The following ZNF180 variants were observed in gnomAD, a reference collection of about 807,000 sequenced individuals.
ZNF180 encodes the protein zinc finger protein 180 (HHZ168).
Under a neutral mutation model 11.8 loss-of-function variants are expected in ZNF180, and 11 were observed. The observed-to-expected ratio is 0.93, with a 90% confidence interval of 0.59 to 1.55. The LOEUF (loss-of-function observed/expected upper bound fraction) is 1.55, where lower values mean the gene tolerates loss of function less well. Ranked by LOEUF, ZNF180 falls within the 40% of genes most tolerant of loss-of-function variation. ZNF180 has a pLI of 0.00. For synonymous variants in ZNF180, 287 were observed against 257.7 expected (o/e 1.11, Z -1.09); for missense variants, 773 against 781.7 (o/e 0.99, Z 0.13).
rs1244263438 is a variant in ZNF180, at chr19:44,475,728, G to C, written c.*674C>G. ...AAAAGGAAGGCCCAACATAAACTGA[G>C]AAATTGAATAGATACATCCATAATC... is the stretch of plus-strand genomic sequence containing the variant. On this transcript the variant is annotated 3_prime_UTR_variant, in exon 5 of 5. Coordinates refer to ENST00000592529, the MANE Select transcript of ZNF180 (RefSeq NM_001278509.3). 6.6e-6 allele frequency: 1 copy of C among 152,146 alleles called. No individual in the cohort carries two copies. Among genetic ancestry groups the C allele is most frequent in the African/African-American group, 2.4e-5 (1 of 41,420 alleles). 9.4% of individuals were successfully genotyped at this position (152,146 alleles called of 1,614,324 possible).
chr19:44,477,628 C>T lies in ZNF180; in HGVS notation c.772G>A (p.Gly258Ser), dbSNP rs1259545069. The change falls in exon 5 of 5, where the codon GGT (glycine) becomes AGT (serine). Residue 258 changes from glycine to serine, a missense_variant. By Grantham distance (56) the Gly-to-Ser change is moderately conservative. Transcript: ENST00000592529. ...TTTTCATGTATATGTAGGGGTGTACCATGGCAAAAAGATTGAATACGGTCA... is the reference window on the plus strand; with the variant it reads ...TTTTCATGTATATGTAGGGGTGTACTATGGCAAAAAGATTGAATACGGTCA... ...FSDRIQSFCHGTPLHIHEKIH... is the reference protein window; with the variant it reads ...FSDRIQSFCHSTPLHIHEKIH... The T allele has an allele frequency of 6.2e-7, 1 of 1,613,934 alleles. No individual in the cohort carries two copies. Among genetic ancestry groups the T allele is most frequent in the East Asian group, 2.2e-5 (1 of 44,862 alleles).
At chr19:44,491,081 C>T (rs922223507) in intron 2 of ZNF180, among the ~76,000 whole-genome samples, 5 of 152,190 alleles carry the variant, frequency 3.3e-5, no homozygotes, top group African/African-American at 1.2e-4. Context: ...ATGCTTAGAT[C>T]ACTACTGACA....
chr19:44,477,340 A>G lies in ZNF180; in HGVS notation c.1060T>C (p.Tyr354His). 6.2e-7 allele frequency: 1 copy of G among 1,612,476 alleles called. No individual in the cohort carries two copies. The highest frequency in any genetic ancestry group is 8.5e-7 in the Non-Finnish European group (1 of 1,178,814). Residue 354 changes from tyrosine to histidine, a missense_variant, in exon 5 of 5, where the codon TAT (tyrosine) becomes CAT (histidine). Physicochemically the swap from Tyr to His is moderately conservative, Grantham distance 83. Coordinates refer to ENST00000592529, the MANE Select transcript of ZNF180 (RefSeq NM_001278509.3). ...GATTTTCCACATTCACTACATTCAT[A>G]AGGTTTCTCCCCTGTGTGAGTTCTC... Reference protein sequence around the residue: ...HQRTHTGEKPYECSECGKSFS... With the variant: ...HQRTHTGEKPHECSECGKSFS...
At chr19:44,494,150 G>A (rs1370744485) in intron 2 of ZNF180, among the ~76,000 whole-genome samples, 1 of 152,222 alleles carries the variant, frequency 6.6e-6, no homozygotes, top group Admixed American at 6.5e-5. Flanking sequence ...CTGGTTGTGA[G>A]AACTAAGTCG....
intron 3 of ZNF180, 107 bp downstream of exon 3, chr19:44,484,254 T>C (rs1970161952): frequency 1.2e-6 from 1 of 857,260 alleles, no homozygotes; most frequent in Middle Eastern, 2.9e-4. Flanking sequence ...CGCCTCAGCC[T>C]CCCAAAGTGC....
At chr19:44,479,540 A>C in intron 3 of ZNF180, 131 bp from the exon 4 acceptor site, 2 of 1,267,812 alleles carry the variant, frequency 1.6e-6, no homozygotes, top group Non-Finnish European at 2.2e-6. Context: ...GTCAGTGCCC[A>C]AAAGATTCCA....
chr19:44,489,019 C>T (rs1433251666), intron 2 of ZNF180, among the ~76,000 whole-genome samples: 1 of 150,026 alleles, frequency 6.7e-6, no homozygotes, highest in Non-Finnish European at 1.5e-5. Flanking sequence ...AAGTGAGTAG[C>T]GTCTCCGCCC....
intron 1 of ZNF180, among the ~76,000 whole-genome samples, chr19:44,499,279 G>C (rs1471610899): frequency 6.6e-6 from 1 of 152,170 alleles, no homozygotes; most frequent in East Asian, 1.9e-4. Context: ...TGTGCAGTCA[G>C]CTCTTCCCGG....
At position 44,476,733 on chromosome 19, in the gene ZNF180, C is replaced by T. The variant is rs1600063625; in HGVS notation, c.1667G>A (p.Gly556Glu). 6.2e-6 allele frequency: 10 copies of T among 1,614,002 alleles called. 1 individual carries two copies. The highest frequency in any genetic ancestry group is 4.4e-5 in the South Asian group (4 of 91,086). ...AACATAACTCTGGCTGAAGGATTTC[C>T]CACACTGATTACATTCATACGGTTT... ...GEKPYECNQC[G>E]KSFSQSYVLV... The change falls in exon 5 of 5, where the codon GGG becomes GAG. Residue 556 changes from glycine (G) to glutamate (E), a missense_variant. Gly to Glu is a moderately conservative substitution (Grantham distance 98). Transcript: ENST00000592529.
At position 44,475,908 on chromosome 19, in the gene ZNF180, A is replaced by T. The variant is rs1005167655; in HGVS notation, c.*494T>A. 6.5e-6 allele frequency: 1 copy of T among 152,898 alleles called. No homozygotes were observed. 9.5% of individuals were successfully genotyped at this position (152,898 alleles called of 1,614,324 possible). A position where few individuals can be genotyped will look rare whatever the true frequency, so the allele number is the denominator to read the frequency against. ...ACATGTAACAACAGCAAGTGCTGTA[A>T]GGAACAGATTACAAGCTATCTAATT... On this transcript the variant is annotated 3_prime_UTR_variant, in exon 5 of 5. Transcript: ENST00000592529.
At chr19:44,491,761 G>C (rs1970456170) in intron 2 of ZNF180, among the ~76,000 whole-genome samples, 1 of 152,054 alleles carries the variant, frequency 6.6e-6, no homozygotes, top group Non-Finnish European at 1.5e-5. Context: ...ATTTTTTGTA[G>C]AGGTGGGAGT....
rs145650538 is a variant in ZNF180, at chr19:44,476,938, G to T, written c.1462C>A (p.His488Asn). The T allele has an allele frequency of 7.4e-6, 12 of 1,613,674 alleles. No individual in the cohort carries two copies. The highest frequency in any genetic ancestry group is 1.7e-5 in the Admixed American group (1 of 59,958). The change falls in exon 5 of 5, where the codon CAC becomes AAC. Residue 488 changes from histidine to asparagine, a missense_variant. By Grantham distance (68) the His-to-Asn change is moderately conservative. Transcript: ENST00000592529. Reference protein sequence around the residue: ...SYKLVAHQRTHTGEKPFECNQ... With the variant: ...SYKLVAHQRTNTGEKPFECNQ... ...CATTCAAAGGGTTTTTCTCCTGTGT[G>T]AGTTCTCTGATGAGCAACAAGTTTA...
intron 3 of ZNF180, among the ~76,000 whole-genome samples, chr19:44,480,825 G>A (rs1970059712): frequency 6.6e-6 from 1 of 152,098 alleles, no homozygotes; most frequent in South Asian, 2.1e-4. Flanking sequence ...ATTATGCTGG[G>A]GCTCCAAAAC....
chr19:44,486,233 A>G (rs1411896227), intron 2 of ZNF180, among the ~76,000 whole-genome samples: 1 of 152,260 alleles, frequency 6.6e-6, no homozygotes, highest in Non-Finnish European at 1.5e-5. Context: ...GATTTCTATA[A>G]AATATAAATA....
intron 1 of ZNF180, among the ~76,000 whole-genome samples, chr19:44,499,928 A>ACATGT (rs1970697774): frequency 6.6e-6 from 1 of 152,158 alleles, no homozygotes; most frequent in Non-Finnish European, 1.5e-5. Context: ...CACTCCATCA[A>ACATGT]CCCGGACATC....
chr19:44,489,910 G>T lies in ZNF180; in HGVS notation c.52-5475C>A, dbSNP rs868641427. ...GAGAGAGAGAAAGAAAGAGAGAAAA[G>T]AAAAAGAAAGAAAGAGAGAGAGAAA... On this transcript the variant is annotated intron_variant, in intron 2 of 4. Coordinates refer to ENST00000592529, the MANE Select transcript of ZNF180 (RefSeq NM_001278509.3). Among the ~76,000 whole-genome samples, 3 of 76,730 alleles carry T rather than the reference G, an allele frequency of 3.9e-5. No homozygotes were observed. In the East Asian group the frequency reaches 1.1e-3, roughly 28 times the overall value. 50.3% of individuals were successfully genotyped at this position (76,730 alleles called of 152,430 possible). A position where few individuals can be genotyped will look rare whatever the true frequency, so the allele number is the denominator to read the frequency against.
chr19:44,489,801 T>C (rs1450217143), intron 2 of ZNF180, among the ~76,000 whole-genome samples: 1 of 70,916 alleles, frequency 1.4e-5, no homozygotes, highest in African/African-American at 5.1e-5. Context: ...AATAAATAAA[T>C]AAATAAACTT....
At chr19:44,488,047 G>A (rs983381311) in intron 2 of ZNF180, among the ~76,000 whole-genome samples, 7 of 144,946 alleles carry the variant, frequency 4.8e-5, no homozygotes, top group African/African-American at 7.7e-5. Context: ...TAAACTTGAC[G>A]CCCTCGCCCT....
intron 1 of ZNF180, 101 bp from the exon 2 acceptor site, chr19:44,497,478 C>A: frequency 8.3e-7 from 1 of 1,206,710 alleles, no homozygotes; most frequent in Non-Finnish European, 1.1e-6. Context: ...GGATGCATTC[C>A]CATAGCAAAT....
Sources: gnomAD v4.1 joint callset for allele counts (sites outside exome capture counted in the v4.1 genomes callset) on GRCh38, gnomAD v4.1.1 for gene constraint, MANE v1.5 for transcripts, NCBI Gene and HGNC (gene_info 2026-07-23, HGNC 2026-07-21) for gene names.